Variants in SYNCRIP observed in about 807,000 individuals in gnomAD.
The protein encoded by SYNCRIP is heterogeneous nuclear ribonucleoprotein Q.
Under a neutral mutation model 68.9 loss-of-function variants are expected in SYNCRIP, and 9 were observed. The observed-to-expected ratio is 0.13, with a 90% CI of 0.08 to 0.23. SYNCRIP has a LOEUF of 0.23. Ranked by LOEUF, SYNCRIP falls within the 10% of genes least tolerant of loss-of-function variation. The probability of loss-of-function intolerance (pLI) is 1.00; values close to 1 mark genes in which losing one functional copy is unlikely to be tolerated. For missense variants in SYNCRIP, 414 were observed against 770.6 expected (o/e 0.54, Z 5.48); for synonymous variants, 258 against 254.0 (o/e 1.02, Z -0.15).
chr6:85,636,275 T>C (rs1027397302), intron 6 of SYNCRIP, among the ~76,000 whole-genome samples: 9 of 151,944 alleles, frequency 5.9e-5, no homozygotes, highest in Admixed American at 3.9e-4. Context: ...CGAAACCCCA[T>C]CTCTACTAAA....
At position 85,622,509 on chromosome 6, in the gene SYNCRIP, T is replaced by G. The variant is rs770224056; in HGVS notation, c.981A>C (p.Glu327Asp). The G allele has an allele frequency of 6.2e-7, 1 of 1,614,192 alleles. No homozygotes were observed. Among genetic ancestry groups the G allele is most frequent in the Non-Finnish European group, 8.5e-7 (1 of 1,180,034 alleles). The change falls in exon 8 of 11, where the codon GAA becomes GAC. Residue 327 changes from glutamate to aspartate, a missense_variant. Transcript: ENST00000369622. ...TTGCCATAACCTCAGGATCAGGATC[T>G]TCTATAGGATCAGCCCATTCAACAG... is the stretch of plus-strand genomic sequence containing the variant. The part of the protein sequence containing the change: ...VGTVEWADPI[E>D]DPDPEVMAKV...
intron 6 of SYNCRIP, among the ~76,000 whole-genome samples, chr6:85,631,169 G>A (rs754039234): frequency 6.6e-6 from 1 of 151,904 alleles, no homozygotes; most frequent in Non-Finnish European, 1.5e-5. Flanking sequence ...ATGGCAAAAC[G>A]CCATCTCTAC....
intron 6 of SYNCRIP, among the ~76,000 whole-genome samples, chr6:85,629,879 G>C (rs963211194): frequency 2.0e-5 from 3 of 151,268 alleles, no homozygotes; most frequent in Non-Finnish European, 4.4e-5. Flanking sequence ...AGCTACTCGG[G>C]AGGCCGAGGC....
Position 85,622,340 on chromosome 6 carries a change from G to A in SYNCRIP, c.1008+142C>T. The A allele has an allele frequency of 3.6e-6, 3 of 822,770 alleles. No individual in the cohort carries two copies. The East Asian group carries it at 7.9e-5, about 22-fold the overall frequency. The allele number at this position is 822,770 out of a possible 1,614,324, so 51.0% of individuals were successfully genotyped here. ...ACCAAGATGGCACCATGGCACTCCA[G>A]CCTGGGAAACATGGGAAACAAGAGA... On this transcript the variant is annotated intron_variant, in intron 8 of 10. Transcript: ENST00000369622.
chr6:85,633,972 T>C (rs1808137787), intron 6 of SYNCRIP, among the ~76,000 whole-genome samples: 1 of 152,230 alleles, frequency 6.6e-6, no homozygotes, highest in East Asian at 1.9e-4. Context: ...ATTAATTAGA[T>C]AGTACAAAAT....
intron 7 of SYNCRIP, among the ~76,000 whole-genome samples, chr6:85,623,571 A>AAAAAAAAAAAAAAAC (rs1562087648): frequency 1.4e-5 from 2 of 147,958 alleles, no homozygotes; most frequent in African/African-American, 5.2e-5. Context: ...CCAAAAAAAA[A>AAAAAAAAAAAAAAAC]AAAAAAAAAA....
downstream of SYNCRIP, chr6:85,610,324 CAA>C (rs1183791987): frequency 2.0e-5 from 3 of 151,914 alleles, no homozygotes; most frequent in African/African-American, 4.8e-5. Flanking sequence ...GGCTTGAATT[CAA>C]AGTCATTCAA....
rs578075982 is a variant in SYNCRIP at position 85,624,320 on chromosome 6, CT to C, written c.667-209del. On this transcript the variant is annotated intron_variant, in intron 6 of 10. Transcript: ENST00000369622. ...AATGCAAATAAAAGGTTATTAAATC[CT>C]TTACTTGATTAATTAGAAATCAGAT... 6.6e-5 allele frequency among the ~76,000 whole-genome samples: 10 copies of C among 152,230 alleles called. No individual in the cohort carries two copies. The South Asian group carries it at 2.1e-3, about 32-fold the overall frequency.
chr6:85,619,247 C>T (rs1385429856), intron 9 of SYNCRIP, 21 bp downstream of exon 9: 1 of 1,611,880 alleles, frequency 6.2e-7, no homozygotes, highest in Non-Finnish European at 8.5e-7. Context: ...ATTTAGATGC[C>T]TGTAATTCCA....
chr6:85,630,026 C>T (rs1807548272), intron 6 of SYNCRIP, among the ~76,000 whole-genome samples: 2 of 151,210 alleles, frequency 1.3e-5, no homozygotes, highest in African/African-American at 4.9e-5. Flanking sequence ...GTATACATAA[C>T]CAATCTGGTG....
Position 85,614,749 on chromosome 6 carries a change from A to T in SYNCRIP, c.*7T>A. 6.3e-7 allele frequency: 1 copy of T among 1,576,228 alleles called. No individual in the cohort carries two copies. Among genetic ancestry groups the T allele is most frequent in the Non-Finnish European group, 8.6e-7 (1 of 1,163,226 alleles). On this transcript the variant is annotated 3_prime_UTR_variant, in exon 11 of 11. Transcript: ENST00000369622. ...CAGTCTCCAATTTTACAGAGGCCCT[A>T]CTGTTTCTACTTCCACTGTTGCCCA...
At chr6:85,615,699 G>A (rs745354662) in intron 10 of SYNCRIP, among the ~76,000 whole-genome samples, 10 of 152,170 alleles carry the variant, frequency 6.6e-5, no homozygotes, top group Non-Finnish European at 1.0e-4. Context: ...CCAGCTATGC[G>A]GGAGGCTGAG....
At chr6:85,620,119 A>G (rs749654811) in intron 8 of SYNCRIP, among the ~76,000 whole-genome samples, 11 of 152,122 alleles carry the variant, frequency 7.2e-5, no homozygotes, top group Non-Finnish European at 1.6e-4. Context: ...GATGGTACGC[A>G]ACTATGGTTC....
chr6:85,641,167 A>T, intron 2 of SYNCRIP, 125 bp downstream of exon 2: 1 of 716,524 alleles, frequency 1.4e-6, no homozygotes, highest in Non-Finnish European at 2.3e-6. Flanking sequence ...TTAACCAACT[A>T]TCACAACAAG....
Position 85,618,734 on chromosome 6 carries a change from A to G in SYNCRIP, c.1280+84T>C, listed in dbSNP as rs987415737. 4 of 1,197,048 alleles carry G rather than the reference A, an allele frequency of 3.3e-6. No homozygotes were observed. The African/African-American group carries it at 4.6e-5, about 14-fold the overall frequency. 74.2% of individuals were successfully genotyped at this position (1,197,048 alleles called of 1,614,324 possible). The stretch of plus-strand genomic sequence containing the variant: ...TTTAAAGAGATGTTATGCATTTAAC[A>G]AGTCTGATCAACACCTGTTATTTTC... On this transcript the variant is annotated intron_variant, in intron 10 of 10. Transcript: ENST00000369622.
chr6:85,624,234 G>A lies in SYNCRIP; in HGVS notation c.667-122C>T, dbSNP rs1053405449. 1.3e-5 allele frequency: 12 copies of A among 921,572 alleles called. No homozygotes were observed. In the African/African-American group the frequency reaches 1.3e-4, roughly 10 times the overall value. 57.1% of individuals were successfully genotyped at this position (921,572 alleles called of 1,614,324 possible). ...GTAGTTTACCTTAATTCCCATACAA[G>A]GGAATTATGAGGAACAGATTATATT... is the stretch of plus-strand genomic sequence containing the variant. On this transcript the variant is annotated intron_variant, in intron 6 of 10. Coordinates refer to ENST00000369622, the MANE Select transcript of SYNCRIP (RefSeq NM_006372.5).
At chr6:85,617,152 G>A (rs143437347) in intron 10 of SYNCRIP, among the ~76,000 whole-genome samples, 1,574 of 149,424 alleles carry the variant, frequency 0.011, 11 homozygotes, top group Middle Eastern at 0.038. Context: ...CTAACTCACA[G>A]GAATACAGTG....
At chr6:85,631,339 C>CAAAAAAAAAAAAAAAAAAA (rs71003000) in intron 6 of SYNCRIP, among the ~76,000 whole-genome samples, 17 of 91,798 alleles carry the variant, frequency 1.9e-4, no homozygotes, top group African/African-American at 7.5e-4. Flanking sequence ...ACTGTGTCTC[C>CAAAAAAAAAAAAAAAAAAA]AAAAAAAAAA....
At chr6:85,637,456 T>C in intron 4 of SYNCRIP, 100 bp from the exon 5 acceptor site, 1 of 758,714 alleles carries the variant, frequency 1.3e-6, no homozygotes, top group South Asian at 1.8e-5. Flanking sequence ...CCAATTATCT[T>C]GGCATGTTCC....
Sources: allele counts gnomAD v4.1 joint callset (sites outside exome capture counted in the v4.1 genomes callset), GRCh38; gene constraint gnomAD v4.1.1; transcripts MANE v1.5; gene names NCBI Gene and HGNC (gene_info 2026-07-23, HGNC 2026-07-21).